The following EPB41L4B variants were observed in gnomAD, a reference collection of about 807,000 sequenced individuals.
The protein encoded by EPB41L4B is band 4.1-like protein 4B.
A neutral mutation model predicts 112.5 loss-of-function variants in EPB41L4B; 30 were observed. The observed-to-expected ratio is 0.27, with a 90% confidence interval of 0.20 to 0.36. The LOEUF (loss-of-function observed/expected upper bound fraction) is 0.36, where lower values mean the gene tolerates loss of function less well. Ranked by LOEUF, EPB41L4B falls within the 10% of genes least tolerant of loss-of-function variation. EPB41L4B has a pLI of 1.00. For missense variants in EPB41L4B, 1,024 were observed against 1,133.3 expected (o/e 0.90, Z 1.38); for synonymous variants, 408 against 439.7 (o/e 0.93, Z 0.90).
In EPB41L4B at chr9:109,279,819, C is replaced by T. The variant is rs1835967221; in HGVS notation, c.409G>A (p.Ala137Thr). 1 of 1,613,770 alleles carries T rather than the reference C, an allele frequency of 6.2e-7. No homozygotes were observed. Among genetic ancestry groups the T allele is most frequent in the African/African-American group, 1.3e-5 (1 of 75,026 alleles). The change falls in exon 2 of 26, where the codon GCG (alanine) becomes ACG (threonine). Residue 137 changes from alanine (A) to threonine (T), a missense_variant and splice_region_variant. Ala to Thr is a moderately conservative substitution (Grantham distance 58). Transcript: ENST00000374566. Reference protein sequence around the residue: ...GLQFLDSAQVAHWLDHAKPIK... With the variant: ...GLQFLDSAQVTHWLDHAKPIK... ...AATGAATCAAAGCAATAACCTACCG[C>T]AACCTGGGCAGAGTCGAGGAACTGG...
At chr9:109,276,033 T>A (rs981074176) in intron 2 of EPB41L4B, among the ~76,000 whole-genome samples, 3 of 147,186 alleles carry the variant, frequency 2.0e-5, no homozygotes, top group South Asian at 4.3e-4. Context: ...ATTTAAAGTT[T>A]TATATATATA....
rs73654227 is a variant in EPB41L4B, at chr9:109,176,528, C to T, written c.2633+23G>A. The T allele has an allele frequency of 2.8e-3, 4,394 of 1,584,342 alleles. 85 individuals carry two copies. In the African/African-American group the frequency reaches 0.05, roughly 18 times the overall value. On this transcript the variant is annotated intron_variant, in intron 25 of 25. Coordinates refer to ENST00000374566, the MANE Select transcript of EPB41L4B (RefSeq NM_019114.5). ...TTTCCCTGTCACCAGAATTACCTGTCGGAACCTGCTGACCTGACCTACCTG... is the reference window on the plus strand; with the variant it reads ...TTTCCCTGTCACCAGAATTACCTGTTGGAACCTGCTGACCTGACCTACCTG...
chr9:109,206,685 GAT>G (rs1483309563), intron 18 of EPB41L4B, among the ~76,000 whole-genome samples: 1 of 152,154 alleles, frequency 6.6e-6, no homozygotes, highest in Non-Finnish European at 1.5e-5. Flanking sequence ...GTCCACCAGG[GAT>G]ACCTGTTATG....
intron 6 of EPB41L4B, 115 bp from the exon 7 acceptor site, chr9:109,258,412 G>T: frequency 1.8e-6 from 2 of 1,086,182 alleles, no homozygotes; most frequent in Non-Finnish European, 1.3e-6. Flanking sequence ...CCGCCCCAAT[G>T]TATAACTCTC....
At chr9:109,303,827 C>G in intron 1 of EPB41L4B, among the ~76,000 whole-genome samples, 1 of 151,890 alleles carries the variant, frequency 6.6e-6, no homozygotes, top group East Asian at 1.9e-4. Flanking sequence ...TTTAAAGGCA[C>G]AGAACTGATA....
At chr9:109,185,455 C>G in intron 23 of EPB41L4B, 34 bp downstream of exon 23, 1 of 1,596,388 alleles carries the variant, frequency 6.3e-7, no homozygotes, top group Non-Finnish European at 8.6e-7. Context: ...CTCACCTCTC[C>G]TGGCCAGGCC....
At chr9:109,226,025 A>G (rs1833747756) in intron 15 of EPB41L4B, among the ~76,000 whole-genome samples, 1 of 152,200 alleles carries the variant, frequency 6.6e-6, no homozygotes, top group Non-Finnish European at 1.5e-5. Context: ...ATGGAGAGCC[A>G]ATTGTTCTAA....
At chr9:109,295,765 A>G (rs943310807) in intron 1 of EPB41L4B, among the ~76,000 whole-genome samples, 5 of 152,210 alleles carry the variant, frequency 3.3e-5, no homozygotes, top group Admixed American at 3.3e-4. Flanking sequence ...AACACCAAAA[A>G]AAACCCCCAG....
chr9:109,266,580 G>A (rs190820642), intron 4 of EPB41L4B, among the ~76,000 whole-genome samples: 2 of 152,326 alleles, frequency 1.3e-5, no homozygotes, highest in African/African-American at 4.8e-5. Flanking sequence ...GAAAAGGGTA[G>A]AGGGAAACTC....
chr9:109,292,713 T>C (rs1369378561), intron 1 of EPB41L4B, among the ~76,000 whole-genome samples: 1 of 152,240 alleles, frequency 6.6e-6, no homozygotes, highest in Non-Finnish European at 1.5e-5. Context: ...GCTGCAATTC[T>C]CTGATACTCT....
chr9:109,303,001 A>C (rs1837033212), intron 1 of EPB41L4B, among the ~76,000 whole-genome samples: 2 of 151,910 alleles, frequency 1.3e-5, no homozygotes, highest in South Asian at 4.1e-4. Flanking sequence ...GGATCACTCA[A>C]GCCCAGGAGT....
intron 1 of EPB41L4B, among the ~76,000 whole-genome samples, chr9:109,293,403 A>G (rs1271764129): frequency 1.3e-5 from 2 of 148,182 alleles, no homozygotes; most frequent in East Asian, 3.9e-4. Flanking sequence ...TTTCCTTGAG[A>G]CGGAGTTTCA....
intron 1 of EPB41L4B, 82 bp from the exon 2 acceptor site, chr9:109,280,003 CTT>C (rs1411742442): frequency 1.4e-5 from 14 of 1,032,962 alleles, no homozygotes; most frequent in Admixed American, 5.1e-5. Context: ...ACCTACTTCT[CTT>C]TGTAAATTGC....
intron 1 of EPB41L4B, among the ~76,000 whole-genome samples, chr9:109,316,019 C>G (rs981431031): frequency 2.0e-5 from 3 of 152,070 alleles, no homozygotes; most frequent in Non-Finnish European, 2.9e-5. Context: ...AAGATTACAA[C>G]CTACTAGCAA....
intron 4 of EPB41L4B, among the ~76,000 whole-genome samples, chr9:109,266,972 A>G (rs955943548): frequency 2.8e-5 from 2 of 71,482 alleles, no homozygotes; most frequent in Non-Finnish European, 5.5e-5. Flanking sequence ...TTGTTTCAAA[A>G]AAAAAAAAAA....
At chr9:109,295,746 C>A (rs1336313971) in intron 1 of EPB41L4B, among the ~76,000 whole-genome samples, 2 of 151,872 alleles carry the variant, frequency 1.3e-5, no homozygotes, top group Admixed American at 6.6e-5. Context: ...GGTTAAGAAC[C>A]AAATATGCAA....
chr9:109,289,984 T>G (rs551634184), intron 1 of EPB41L4B, among the ~76,000 whole-genome samples: 2 of 152,352 alleles, frequency 1.3e-5, no homozygotes, highest in East Asian at 3.9e-4. Context: ...TAAGCAGGTC[T>G]GACGTGGGGA....
At chr9:109,276,172 C>T (rs1835815190) in intron 2 of EPB41L4B, among the ~76,000 whole-genome samples, 1 of 131,116 alleles carries the variant, frequency 7.6e-6, no homozygotes, top group Middle Eastern at 4.0e-3. Flanking sequence ...CACACACACA[C>T]ACACACACAC....
intron 2 of EPB41L4B, among the ~76,000 whole-genome samples, chr9:109,269,740 G>C (rs1835543088): frequency 6.6e-6 from 1 of 152,156 alleles, no homozygotes; most frequent in African/African-American, 2.4e-5. Flanking sequence ...AGCAGAGTGG[G>C]CTACTCATGA....
Sources: gnomAD v4.1 joint callset for allele counts (sites outside exome capture counted in the v4.1 genomes callset) on GRCh38, gnomAD v4.1.1 for gene constraint, MANE v1.5 for transcripts, NCBI Gene and HGNC (gene_info 2026-07-23, HGNC 2026-07-21) for gene names.